CLDN16: variants seen among roughly 807,000 people sequenced by gnomAD.
CLDN16 encodes claudin-16.
In CLDN16, 13 loss-of-function variants were observed where a neutral mutation model predicts 24.6. The observed-to-expected ratio is 0.53, with a 90% confidence interval of 0.34 to 0.84. The LOEUF is 0.84. Ranked by LOEUF, CLDN16 falls within the 40% of genes least tolerant of loss-of-function variation. CLDN16 has a pLI of 0.01. For missense variants in CLDN16, 298 were observed against 292.7 expected (o/e 1.02, Z -0.13); for synonymous variants, 116 against 106.7 (o/e 1.09, Z -0.54).
At chr3:190,371,904 G>T (rs1337738812) in intron 2 of CLDN16, among the ~76,000 whole-genome samples, 1 of 151,898 alleles carries the variant, frequency 6.6e-6, no homozygotes, top group Non-Finnish European at 1.5e-5. Flanking sequence ...GCTGTCCCAG[G>T]TCACCGAACA....
At chr3:190,402,745 T>C (rs1036267501) in intron 2 of CLDN16, among the ~76,000 whole-genome samples, 4 of 152,206 alleles carry the variant, frequency 2.6e-5, no homozygotes, top group Non-Finnish European at 5.9e-5. Flanking sequence ...GGTTTTTTAA[T>C]CGAAATAAAC....
intron 1 of CLDN16, among the ~76,000 whole-genome samples, chr3:190,336,941 C>CA (rs1717325107): frequency 6.6e-6 from 1 of 152,196 alleles, no homozygotes; most frequent in Non-Finnish European, 1.5e-5. Context: ...GCTGGATGAA[C>CA]AAATATTCCA....
At chr3:190,302,820 G>A in the CLDN16 span, among the ~76,000 whole-genome samples, 6 of 149,816 alleles carry the variant, frequency 4.0e-5, no homozygotes, top group African/African-American at 1.5e-4. Context: ...ATCAATCTAT[G>A]TTTAGAAAGT....
At chr3:190,295,717 A>C in the CLDN16 span, among the ~76,000 whole-genome samples, 16 of 152,284 alleles carry the variant, frequency 1.1e-4, no homozygotes, top group African/African-American at 3.6e-4. Context: ...GCCTCAATCT[A>C]ACAATTTGTA....
In CLDN16 at chr3:190,410,041, C is replaced by T. The variant is rs1719234541; in HGVS notation, c.*5C>T. The T allele has an allele frequency of 1.9e-6, 3 of 1,613,996 alleles. No homozygotes were observed. In the South Asian group the frequency reaches 3.3e-5, roughly 18 times the overall value. Reference sequence around the variant, plus strand: ...GCTGTAGACACAAGGGTGTAAAATGCACGTTTCAGGGTGTGTTTGCATATG... The same window carrying T: ...GCTGTAGACACAAGGGTGTAAAATGTACGTTTCAGGGTGTGTTTGCATATG... On this transcript the variant is annotated 3_prime_UTR_variant, in exon 5 of 5. Coordinates refer to ENST00000264734, the MANE Select transcript of CLDN16 (RefSeq NM_006580.4).
At chr3:190,355,401 T>C (rs1182438925) in intron 1 of CLDN16, among the ~76,000 whole-genome samples, 1 of 151,936 alleles carries the variant, frequency 6.6e-6, no homozygotes, top group Non-Finnish European at 1.5e-5. Context: ...CCTCTTCTTT[T>C]CTCTTCAAAC....
rs372592664 is a variant in CLDN16, at chr3:190,380,139, CCTTTT to C, written n.306+5540_306+5544del. ...CCATTCCTTCCTTTCTTCCTTCCTT[CCTTTT>C]CTTCCTTCCCTCCCTTCCTTCCTTC... On this transcript the variant is annotated intron_variant and non_coding_transcript_variant, in intron 3 of 4. Transcript: ENST00000468220. 4.4e-3 allele frequency among the ~76,000 whole-genome samples: 239 copies of C among 53,934 alleles called. 8 individuals are homozygous for C. Among genetic ancestry groups the C allele is most frequent in the Non-Finnish European group, 5.2e-3 (133 of 25,584 alleles). The allele number at this position is 53,934 out of a possible 152,430, so 35.4% of individuals were successfully genotyped here. A position where few individuals can be genotyped will look rare whatever the true frequency, so the allele number is the denominator to read the frequency against.
At chr3:190,290,511 C>A in the CLDN16 span, among the ~76,000 whole-genome samples, 1 of 152,134 alleles carries the variant, frequency 6.6e-6, no homozygotes, top group East Asian at 1.9e-4. Flanking sequence ...GGAAAAAAAA[C>A]CTACTCTTTC....
rs752540574 is a variant in CLDN16 at position 190,388,246 on chromosome 3, A to G, written c.-84A>G. On this transcript the variant is annotated 5_prime_UTR_variant, in exon 1 of 5. Coordinates refer to ENST00000264734, the MANE Select transcript of CLDN16 (RefSeq NM_006580.4). ...ATTTTCACATTGCCAGGTACCAGAA[A>G]CACAGAAGACTGACACCCGCCACTT... The G allele has an allele frequency of 6.2e-7, 1 of 1,613,800 alleles. No individual in the cohort carries two copies. The highest frequency in any genetic ancestry group is 1.7e-5 in the Admixed American group (1 of 59,932).
chr3:190,295,443 C>T, the CLDN16 span, among the ~76,000 whole-genome samples: 2 of 151,980 alleles, frequency 1.3e-5, no homozygotes, highest in African/African-American at 2.4e-5. Context: ...TTTCTTTTTT[C>T]GGAGTTGGAC....
intron 1 of CLDN16, among the ~76,000 whole-genome samples, chr3:190,341,586 G>C (rs112262114): frequency 0.039 from 5,956 of 152,234 alleles, 391 homozygotes; most frequent in African/African-American, 0.13. Flanking sequence ...GATGGGAGGG[G>C]CTGCCACAAA....
Position 190,404,888 on chromosome 3 carries a change from G to A in CLDN16, c.344G>A (p.Arg115His), listed in dbSNP as rs556413628. Residue 115 changes from arginine (R) to histidine (H), a missense_variant, in exon 3 of 5, where the codon CGC (arginine) becomes CAC (histidine). Physicochemically the swap from Arg to His is conservative, Grantham distance 29 (BLOSUM62 0). Coordinates refer to ENST00000264734, the MANE Select transcript of CLDN16 (RefSeq NM_006580.4). ...FLPDEPYIKV[R>H]ICFVAGATLL... is the part of the protein sequence containing the mutation. Reference sequence around the variant, plus strand: ...CCTGATGAGCCGTACATTAAAGTCCGCATCTGCTTTGTTGCTGGAGCCACG... The same window carrying A: ...CCTGATGAGCCGTACATTAAAGTCCACATCTGCTTTGTTGCTGGAGCCACG... 1.9e-5 allele frequency: 31 copies of A among 1,613,942 alleles called. No homozygotes were observed. In the East Asian group the frequency reaches 5.6e-4, roughly 29 times the overall value.
chr3:190,388,006 C>A, upstream of CLDN16: 1 of 988,684 alleles, frequency 1.0e-6, no homozygotes, highest in Non-Finnish European at 1.5e-6. Context: ...TGGTGACCAC[C>A]ACTAGCCCAC....
intron 1 of CLDN16, among the ~76,000 whole-genome samples, chr3:190,341,960 C>T (rs150390404): frequency 3.3e-5 from 5 of 152,306 alleles, no homozygotes; most frequent in South Asian, 2.1e-4. Flanking sequence ...TGCTCCAGTT[C>T]CCCAAAAGGT....
chr3:190,401,296 C>T (rs1718955622), intron 1 of CLDN16, among the ~76,000 whole-genome samples: 1 of 28,066 alleles, frequency 3.6e-5, no homozygotes, highest in South Asian at 9.7e-4. Flanking sequence ...TTTCTCCCCA[C>T]AGCAATTTAA....
At position 190,408,450 on chromosome 3, in the gene CLDN16, T is replaced by A. The variant is rs368589513; in HGVS notation, c.519T>A (p.Ser173=). ...CCTGTTGGCTCGGAATGGCTGGGTC[T>A]CTGGGTTGCTTTTTGGCTGGAGCTG... ...GWSCWLGMAG[S]LGCFLAGAVL... Residue 173 remains serine (S), a synonymous_variant, in exon 4 of 5, where the codon TCT becomes TCA. Transcript: ENST00000264734. 26 of 1,614,034 alleles carry A rather than the reference T, an allele frequency of 1.6e-5. No homozygotes were observed. Among genetic ancestry groups the A allele is most frequent in the Non-Finnish European group, 2.2e-5 (26 of 1,180,042 alleles).
chr3:190,380,131 C>CCTTCCTTCCTCT (rs1471628570), intron 3 of CLDN16, among the ~76,000 whole-genome samples: 3 of 51,932 alleles, frequency 5.8e-5, no homozygotes, highest in African/African-American at 2.3e-4. Context: ...TTCCTTTCTT[C>CCTTCCTTCCTCT]CTTCCTTCCT....
chr3:190,382,250 T>C (rs1718385795), intron 3 of CLDN16, among the ~76,000 whole-genome samples: 1 of 152,086 alleles, frequency 6.6e-6, no homozygotes, highest in African/African-American at 2.4e-5. Flanking sequence ...ACACCCCCCA[T>C]TGCTTAATCA....
At chr3:190,406,995 C>T (rs1479521772) in intron 3 of CLDN16, among the ~76,000 whole-genome samples, 4 of 151,994 alleles carry the variant, frequency 2.6e-5, no homozygotes, top group Non-Finnish European at 4.4e-5. Flanking sequence ...CCGCCTCGGC[C>T]CCCCAAAGCG....
Sources: allele counts gnomAD v4.1 joint callset (sites outside exome capture counted in the v4.1 genomes callset), GRCh38; gene constraint gnomAD v4.1.1; transcripts MANE v1.5; gene names NCBI Gene and HGNC (gene_info 2026-07-23, HGNC 2026-07-21).